Variants in CCSER1 observed in about 807,000 individuals in gnomAD.
The protein encoded by CCSER1 is serine-rich coiled-coil domain-containing protein 1.
Under a neutral mutation model 82.0 loss-of-function variants are expected in CCSER1, and 41 were observed. The ratio of observed to expected loss-of-function variants is 0.50; its 90% CI spans 0.39 to 0.65. The LOEUF is 0.65. Among genes scored for constraint, CCSER1 ranks in the 30% least tolerant of loss-of-function variants. CCSER1 has a pLI of 0.00. For missense variants in CCSER1, 1,119 were observed against 1,064.2 expected (o/e 1.05, Z -0.72); for synonymous variants, 414 against 383.9 (o/e 1.08, Z -0.92).
chr4:90,412,539 A>C (rs1004060621), intron 4 of CCSER1, among the ~76,000 whole-genome samples: 7 of 137,700 alleles, frequency 5.1e-5, no homozygotes, highest in African/African-American at 1.4e-4. Flanking sequence ...AAAAAAAAAA[A>C]CCAAAAAGAT....
chr4:91,418,813 A>G (rs1326823117), intron 10 of CCSER1, among the ~76,000 whole-genome samples: 6 of 152,010 alleles, frequency 3.9e-5, no homozygotes, highest in Non-Finnish European at 8.8e-5. Flanking sequence ...ACAGGCCAAT[A>G]TCCCTGATAA....
chr4:91,245,193 G>A (rs2149135825), intron 10 of CCSER1, among the ~76,000 whole-genome samples: 2 of 152,228 alleles, frequency 1.3e-5, no homozygotes, highest in South Asian at 4.1e-4. Flanking sequence ...GTTTTAAAGA[G>A]GAGGTAGAGA....
At chr4:90,484,971 G>C (rs1241376786) in intron 5 of CCSER1, among the ~76,000 whole-genome samples, 5 of 152,202 alleles carry the variant, frequency 3.3e-5, no homozygotes, top group Non-Finnish European at 5.9e-5. Flanking sequence ...CCAGCCCCTA[G>C]AGGTGGAGGC....
intron 9 of CCSER1, among the ~76,000 whole-genome samples, chr4:91,028,838 G>T (rs1290820216): frequency 2.0e-5 from 3 of 151,980 alleles, no homozygotes; most frequent in Non-Finnish European, 4.4e-5. Context: ...GAATGCTTTT[G>T]CATCCACATT....
At chr4:90,764,795 A>G (rs775113429) in intron 7 of CCSER1, among the ~76,000 whole-genome samples, 64 of 152,184 alleles carry the variant, frequency 4.2e-4, no homozygotes, top group South Asian at 2.3e-3. Context: ...CTCCCAACCC[A>G]TGATTTCCTA....
intron 10 of CCSER1, among the ~76,000 whole-genome samples, chr4:91,135,390 C>T (rs1728372002): frequency 1.3e-5 from 2 of 152,028 alleles, no homozygotes; most frequent in Admixed American, 6.6e-5. Flanking sequence ...AAAAGTGGAT[C>T]CTAGACCAGA....
intron 5 of CCSER1, among the ~76,000 whole-genome samples, chr4:90,564,115 GTTT>G (rs1443764680): frequency 6.7e-6 from 1 of 149,748 alleles, no homozygotes; most frequent in African/African-American, 2.5e-5. Flanking sequence ...TTTTACCTGT[GTTT>G]TTATTTTGTA....
At chr4:90,643,211 CTG>C (rs1726891996) in intron 6 of CCSER1, among the ~76,000 whole-genome samples, 2 of 151,954 alleles carry the variant, frequency 1.3e-5, no homozygotes, top group Non-Finnish European at 2.9e-5. Context: ...GTTTTTCTGA[CTG>C]TATATTTTCT....
At chr4:91,339,184 C>G (rs1747529003) in intron 10 of CCSER1, among the ~76,000 whole-genome samples, 1 of 151,966 alleles carries the variant, frequency 6.6e-6, no homozygotes, top group Non-Finnish European at 1.5e-5. Flanking sequence ...CTTTAAGAAG[C>G]CTTGATGTCC....
chr4:91,046,501 CT>C (rs1742500360), intron 9 of CCSER1, among the ~76,000 whole-genome samples: 2 of 152,086 alleles, frequency 1.3e-5, no homozygotes, highest in African/African-American at 4.8e-5. Context: ...CATTTACTTT[CT>C]TTTTTATTGT....
intron 10 of CCSER1, among the ~76,000 whole-genome samples, chr4:91,129,616 C>T (rs935930154): frequency 8.6e-5 from 13 of 151,538 alleles, no homozygotes; most frequent in East Asian, 1.9e-4. Context: ...TAGAGAGAGA[C>T]GAGTTAAAGA....
At chr4:91,261,944 T>A (rs996086582) in intron 10 of CCSER1, among the ~76,000 whole-genome samples, 1 of 152,132 alleles carries the variant, frequency 6.6e-6, no homozygotes, top group Non-Finnish European at 1.5e-5. Flanking sequence ...AATATAACTG[T>A]GCATGGTAGA....
chr4:90,895,952 T>C (rs549823076), intron 8 of CCSER1, among the ~76,000 whole-genome samples: 1 of 152,068 alleles, frequency 6.6e-6, no homozygotes, highest in Non-Finnish European at 1.5e-5. Context: ...GGAGCATATA[T>C]TAAGTGATAC....
At chr4:91,081,612 G>C (rs1722757338) in intron 9 of CCSER1, among the ~76,000 whole-genome samples, 1 of 152,124 alleles carries the variant, frequency 6.6e-6, no homozygotes, top group Non-Finnish European at 1.5e-5. Context: ...AGGAAAAGAG[G>C]AAGTCAAATT....
At chr4:90,596,301 A>G (rs1315793189) in intron 5 of CCSER1, among the ~76,000 whole-genome samples, 1 of 151,950 alleles carries the variant, frequency 6.6e-6, no homozygotes, top group South Asian at 2.1e-4. Flanking sequence ...TAATAGAAAA[A>G]TTCTCATTTA....
chr4:91,401,638 G>C (rs1471078655), intron 10 of CCSER1, among the ~76,000 whole-genome samples: 1 of 151,952 alleles, frequency 6.6e-6, no homozygotes, highest in Non-Finnish European at 1.5e-5. Flanking sequence ...TATGAGTTGA[G>C]AACATGTGGT....
intron 9 of CCSER1, among the ~76,000 whole-genome samples, chr4:91,081,353 A>G (rs1335036854): frequency 2.0e-5 from 3 of 152,112 alleles, no homozygotes; most frequent in African/African-American, 7.2e-5. Flanking sequence ...CGATGAATAA[A>G]ATTCAACAGC....
chr4:91,126,019 G>A (rs748594643), intron 10 of CCSER1, among the ~76,000 whole-genome samples: 1 of 151,342 alleles, frequency 6.6e-6, no homozygotes, highest in Non-Finnish European at 1.5e-5. Flanking sequence ...ACGGACTCTT[G>A]ATTTACACTC....
intron 10 of CCSER1, among the ~76,000 whole-genome samples, chr4:91,394,535 C>T (rs1205605694): frequency 6.6e-6 from 1 of 151,932 alleles, no homozygotes; most frequent in Non-Finnish European, 1.5e-5. Flanking sequence ...CATTTGGGAA[C>T]TAGGAGTAGG....
Sources: gnomAD v4.1 joint callset for allele counts (sites outside exome capture counted in the v4.1 genomes callset) on GRCh38, gnomAD v4.1.1 for gene constraint, MANE v1.5 for transcripts, NCBI Gene and HGNC (gene_info 2026-07-23, HGNC 2026-07-21) for gene names.